Variants in PRKN observed in about 807,000 individuals in gnomAD.
PRKN encodes the protein E3 ubiquitin-protein ligase parkin.
Under a neutral mutation model 59.5 loss-of-function variants are expected in PRKN, and 56 were observed. The ratio of observed to expected loss-of-function variants is 0.94; its 90% confidence interval spans 0.76 to 1.18. The LOEUF is 1.18. Among genes scored for constraint, PRKN ranks in the 50% most tolerant of loss-of-function variants. PRKN has a pLI of 0.00. For synonymous variants in PRKN, 250 were observed against 222.1 expected (o/e 1.13, Z -1.12); for missense variants, 657 against 596.4 (o/e 1.10, Z -1.06).
intron 4 of PRKN, among the ~76,000 whole-genome samples, chr6:162,060,662 GACAAA>G (rs1172833682): frequency 2.6e-5 from 4 of 152,140 alleles, no homozygotes; most frequent in Non-Finnish European, 5.9e-5. Flanking sequence ...AGTCCAGACT[GACAAA>G]ACAAAATAAC....
chr6:161,808,409 A>G (rs1297131891), intron 6 of PRKN, among the ~76,000 whole-genome samples: 1 of 152,328 alleles, frequency 6.6e-6, no homozygotes, highest in African/African-American at 2.4e-5. Flanking sequence ...ACTGAACACT[A>G]AAGTATTTAT....
intron 7 of PRKN, among the ~76,000 whole-genome samples, chr6:161,574,056 C>A (rs1208808581): frequency 4.6e-5 from 7 of 151,306 alleles, no homozygotes; most frequent in South Asian, 2.1e-4. Context: ...CTGGTAGGTT[C>A]AAAAAAACAA....
chr6:161,537,661 C>A (rs1265009290), intron 9 of PRKN, among the ~76,000 whole-genome samples: 1 of 152,148 alleles, frequency 6.6e-6, no homozygotes, highest in Non-Finnish European at 1.5e-5. Flanking sequence ...CCATGTTAGC[C>A]TGGATGGTCT....
chr6:161,949,105 G>A (rs982202638), intron 6 of PRKN, among the ~76,000 whole-genome samples: 2 of 152,090 alleles, frequency 1.3e-5, no homozygotes, highest in Non-Finnish European at 2.9e-5. Context: ...GGACTTCAGC[G>A]GGGTAGTTCC....
At chr6:162,024,191 A>AC (rs1783325856) in intron 5 of PRKN, among the ~76,000 whole-genome samples, 3 of 96,318 alleles carry the variant, frequency 3.1e-5, no homozygotes, top group East Asian at 3.3e-4. Flanking sequence ...CCCTCCCCCA[A>AC]CCCTTTTTTT....
chr6:161,851,469 A>G (rs560348572), intron 6 of PRKN, among the ~76,000 whole-genome samples: 1 of 152,096 alleles, frequency 6.6e-6, no homozygotes, highest in East Asian at 2.0e-4. Context: ...TATATTATGC[A>G]CAAATAATGT....
chr6:161,657,213 C>CTGG (rs1278784586), intron 7 of PRKN, among the ~76,000 whole-genome samples: 10 of 152,178 alleles, frequency 6.6e-5, no homozygotes, highest in African/African-American at 1.4e-4. Flanking sequence ...TCTCTTTGAC[C>CTGG]CCCACATCTC....
chr6:162,089,686 C>T (rs1009474112), intron 4 of PRKN, among the ~76,000 whole-genome samples: 3 of 152,096 alleles, frequency 2.0e-5, no homozygotes, highest in African/African-American at 7.2e-5. Flanking sequence ...TATATTCATA[C>T]AATGGAATAT....
chr6:162,005,926 A>G (rs1156728153), intron 5 of PRKN, among the ~76,000 whole-genome samples: 1 of 152,058 alleles, frequency 6.6e-6, no homozygotes, highest in Non-Finnish European at 1.5e-5. Context: ...GCCATTTGTG[A>G]ATTTAATATA....
At chr6:162,500,464 G>A (rs1047522811) in intron 1 of PRKN, among the ~76,000 whole-genome samples, 10 of 152,120 alleles carry the variant, frequency 6.6e-5, no homozygotes, top group African/African-American at 1.7e-4. Flanking sequence ...GAGCCACTGC[G>A]CCCGGCCCAA....
chr6:162,290,398 A>G (rs1781376625), intron 2 of PRKN, among the ~76,000 whole-genome samples: 1 of 152,226 alleles, frequency 6.6e-6, no homozygotes, highest in African/African-American at 2.4e-5. Context: ...ATACAAATAA[A>G]TCTAACACAA....
intron 2 of PRKN, among the ~76,000 whole-genome samples, chr6:162,312,846 G>T (rs1465950235): frequency 1.3e-5 from 2 of 152,076 alleles, no homozygotes; most frequent in Non-Finnish European, 2.9e-5. Flanking sequence ...AACTCCTGGA[G>T]TTTAGAACAT....
chr6:162,603,370 G>C (rs988964859), intron 1 of PRKN, among the ~76,000 whole-genome samples: 1 of 152,156 alleles, frequency 6.6e-6, no homozygotes, highest in Non-Finnish European at 1.5e-5. Context: ...CTAAGCCAGA[G>C]GTTGGCAAAC....
intron 1 of PRKN, among the ~76,000 whole-genome samples, chr6:162,654,261 CAT>C (rs1208653819): frequency 6.6e-6 from 1 of 152,190 alleles, no homozygotes; most frequent in Non-Finnish European, 1.5e-5. Context: ...TGTTCATACA[CAT>C]GTTTTTAACA....
chr6:161,977,452 G>A (rs746808549), intron 5 of PRKN, among the ~76,000 whole-genome samples: 8 of 151,786 alleles, frequency 5.3e-5, no homozygotes, highest in Non-Finnish European at 1.0e-4. Flanking sequence ...CATCCTGAAG[G>A]GAAACATTGT....
At position 161,582,584 on chromosome 6, in the gene PRKN, G is replaced by A. The variant is rs557623003; in HGVS notation, c.872-13168C>T. Among the ~76,000 whole-genome samples, 4 of 151,978 alleles carry A rather than the reference G, an allele frequency of 2.6e-5. No homozygotes were observed. Among genetic ancestry groups the A allele is most frequent in the South Asian group, 2.1e-4 (1 of 4,798 alleles). On this transcript the variant is annotated intron_variant, in intron 7 of 11. Coordinates refer to ENST00000366898, the MANE Select transcript of PRKN (RefSeq NM_004562.3). This position sits in a 1 kb window ranked among gnomAD's most constrained non-coding sequence, Gnocchi z 4.4. The stretch of plus-strand genomic sequence containing the variant: ...TGGGACTACAGGCGCCTGCCACCTC[G>A]CCTGGCTAATTGTTTTGTAGTTTTA...
chr6:161,791,539 T>C (rs1300359231), intron 6 of PRKN, among the ~76,000 whole-genome samples: 2 of 152,226 alleles, frequency 1.3e-5, no homozygotes, highest in African/African-American at 4.8e-5. Flanking sequence ...TCCATTTGCC[T>C]GATTCTTTCC....
chr6:161,604,706 G>T (rs1782216945), intron 7 of PRKN, among the ~76,000 whole-genome samples: 1 of 152,180 alleles, frequency 6.6e-6, no homozygotes, highest in African/African-American at 2.4e-5. Flanking sequence ...AGGCCAAGGT[G>T]GGCGGATCAC....
Position 161,400,700 on chromosome 6 carries a change from G to A in PRKN, c.1084-13823C>T, listed in dbSNP as rs922141080. ...CTGTGTTTATTTTCAGCCTTTGGAC[G>A]ACCCATATGAGTTTCACTTCACACT... On this transcript the variant is annotated intron_variant, in intron 9 of 11. Coordinates refer to ENST00000366898, the MANE Select transcript of PRKN (RefSeq NM_004562.3). The surrounding 1 kb of genome is among the most constrained non-coding windows in gnomAD (Gnocchi z 4.2). 6.6e-6 allele frequency among the ~76,000 whole-genome samples: 1 copy of A among 151,844 alleles called. No individual in the cohort carries two copies.
Sources: gnomAD v4.1 joint callset for allele counts (sites outside exome capture counted in the v4.1 genomes callset) on GRCh38, gnomAD v4.1.1 for gene constraint, Gnocchi (gnomAD v3.1) non-coding constraint, MANE v1.5 for transcripts, NCBI Gene and HGNC (gene_info 2026-07-23, HGNC 2026-07-21) for gene names.